The following ADARB2 variants were observed in gnomAD, a reference collection of about 807,000 sequenced individuals.
ADARB2 encodes inactive double-stranded RNA-specific editase B2.
In ADARB2, 25 loss-of-function variants were observed where a neutral mutation model predicts 62.2. The ratio of observed to expected loss-of-function variants is 0.40; its 90% confidence interval spans 0.29 to 0.56. The LOEUF is 0.56. ADARB2 is among the 20% of genes least tolerant of loss of function. ADARB2 has a pLI of 0.43. For synonymous variants in ADARB2, 572 were observed against 500.8 expected, an observed-to-expected ratio of 1.14 and a Z score of -1.90; for missense variants, 1,071 against 1,077.4, an observed-to-expected ratio of 0.99 and a Z score of 0.08.
At chr10:1,515,870 T>C (rs1235518192) in intron 1 of ADARB2, among the ~76,000 whole-genome samples, 3 of 152,248 alleles carry the variant, frequency 2.0e-5, no homozygotes, top group African/African-American at 7.2e-5. Flanking sequence ...GATTCTTCTT[T>C]GTGAGATTTA....
chr10:1,717,029 T>C (rs1392111801), intron 1 of ADARB2, among the ~76,000 whole-genome samples: 2 of 152,090 alleles, frequency 1.3e-5, no homozygotes, highest in Non-Finnish European at 2.9e-5. Context: ...CACGTTATTC[T>C]GATCACATTA....
chr10:1,293,362 G>A (rs12247154), intron 3 of ADARB2, among the ~76,000 whole-genome samples: 38,268 of 147,966 alleles, frequency 0.26, 6,411 homozygotes, highest in African/African-American at 0.48. Context: ...AAGGGAGGGA[G>A]GAAGGGAAGG....
chr10:1,528,600 C>G (rs1476107695), intron 1 of ADARB2, among the ~76,000 whole-genome samples: 1 of 152,230 alleles, frequency 6.6e-6, no homozygotes, highest in Non-Finnish European at 1.5e-5. Context: ...TGTGAGCCCT[C>G]TCAAGTTCTC....
At chr10:1,709,210 TA>T (rs373039816) in intron 1 of ADARB2, among the ~76,000 whole-genome samples, 3 of 152,300 alleles carry the variant, frequency 2.0e-5, no homozygotes, top group Non-Finnish European at 4.4e-5. Flanking sequence ...CTAAGTCTCT[TA>T]AGGGGATGGT....
At chr10:1,525,637 G>A (rs912211875) in intron 1 of ADARB2, among the ~76,000 whole-genome samples, 3 of 152,180 alleles carry the variant, frequency 2.0e-5, no homozygotes, top group African/African-American at 7.2e-5. Context: ...TGCGTCCTGA[G>A]AGGAAGACAG....
chr10:1,382,156 G>GA (rs11429794), intron 1 of ADARB2, among the ~76,000 whole-genome samples: 40,411 of 152,018 alleles, frequency 0.27, 6,032 homozygotes, highest in Middle Eastern at 0.38. Flanking sequence ...AATAAATATG[G>GA]AAAAAACAAT....
chr10:1,709,271 A>T (rs1448984487), intron 1 of ADARB2, among the ~76,000 whole-genome samples: 1 of 152,238 alleles, frequency 6.6e-6, no homozygotes, highest in Non-Finnish European at 1.5e-5. Flanking sequence ...TAATAACACA[A>T]GTTCCCTCTG....
At chr10:1,336,420 A>G (rs1388464964) in intron 3 of ADARB2, among the ~76,000 whole-genome samples, 10 of 152,130 alleles carry the variant, frequency 6.6e-5, no homozygotes, top group Non-Finnish European at 1.5e-5. Flanking sequence ...GGGTATTCTC[A>G]CACATCTCTG....
At chr10:1,651,611 A>T (rs1314869821) in intron 1 of ADARB2, among the ~76,000 whole-genome samples, 2 of 152,246 alleles carry the variant, frequency 1.3e-5, no homozygotes, top group Non-Finnish European at 2.9e-5. Context: ...CACATACAGA[A>T]ATTTCAGGCC....
At chr10:1,195,594 G>A (rs759986216) in intron 8 of ADARB2, among the ~76,000 whole-genome samples, 2 of 152,030 alleles carry the variant, frequency 1.3e-5, no homozygotes, top group Non-Finnish European at 2.9e-5. Context: ...TGAGCAATGA[G>A]GGATGTCCAT....
At chr10:1,592,141 C>T (rs2132008461) in intron 1 of ADARB2, among the ~76,000 whole-genome samples, 1 of 152,340 alleles carries the variant, frequency 6.6e-6, no homozygotes, top group East Asian at 1.9e-4. Context: ...GAGCACCAGA[C>T]ACCCAGGATG....
At chr10:1,536,288 C>G (rs954823923) in intron 1 of ADARB2, among the ~76,000 whole-genome samples, 50 of 152,206 alleles carry the variant, frequency 3.3e-4, no homozygotes, top group Non-Finnish European at 1.3e-4. Flanking sequence ...AAAGCGCCAT[C>G]TACAAGCCAG....
At chr10:1,430,138 C>T (rs1294126803) in intron 1 of ADARB2, among the ~76,000 whole-genome samples, 1 of 152,164 alleles carries the variant, frequency 6.6e-6, no homozygotes, top group Non-Finnish European at 1.5e-5. Context: ...AGTGAACTTT[C>T]TATGCTTTAC....
chr10:1,462,889 C>G (rs1174441354), intron 1 of ADARB2, among the ~76,000 whole-genome samples: 1 of 152,030 alleles, frequency 6.6e-6, no homozygotes. Context: ...TGAGTGTAGG[C>G]ATAGGCATTT....
At chr10:1,460,285 A>G (rs368535960) in intron 1 of ADARB2, among the ~76,000 whole-genome samples, 17 of 26,914 alleles carry the variant, frequency 6.3e-4, no homozygotes, top group African/African-American at 1.6e-3. Context: ...TACCTGTGTA[A>G]CGAACCTGCC....
At chr10:1,296,456 G>A (rs368443422) in intron 3 of ADARB2, among the ~76,000 whole-genome samples, 19 of 152,290 alleles carry the variant, frequency 1.2e-4, no homozygotes, top group African/African-American at 3.1e-4. Context: ...ATTCCATAAC[G>A]TATTCTATGC....
intron 8 of ADARB2, among the ~76,000 whole-genome samples, chr10:1,192,680 G>T (rs115535540): frequency 6.6e-6 from 1 of 152,184 alleles, no homozygotes; most frequent in Non-Finnish European, 1.5e-5. Flanking sequence ...GGCCTGGCAC[G>T]GTGGCTTACG....
intron 1 of ADARB2, among the ~76,000 whole-genome samples, chr10:1,427,329 T>C (rs1400234882): frequency 6.6e-6 from 1 of 152,196 alleles, no homozygotes; most frequent in Admixed American, 6.5e-5. Context: ...ACCACATGTC[T>C]GGCAAAGGAC....
intron 1 of ADARB2, among the ~76,000 whole-genome samples, chr10:1,657,217 GA>G: frequency 6.6e-6 from 1 of 152,258 alleles, no homozygotes; most frequent in East Asian, 1.9e-4. Flanking sequence ...AAAAAAGTAT[GA>G]AAGCAGCAAA....
Sources: allele counts gnomAD v4.1 joint callset (sites outside exome capture counted in the v4.1 genomes callset), GRCh38; gene constraint gnomAD v4.1.1; transcripts MANE v1.5; gene names NCBI Gene and HGNC (gene_info 2026-07-23, HGNC 2026-07-21).